GPR39: variants seen among roughly 807,000 people sequenced by gnomAD.
GPR39 encodes zinc sensing receptor.
In GPR39, 23 loss-of-function variants were observed where a neutral mutation model predicts 18.4. The observed-to-expected ratio is 1.25, with a 90% CI of 0.90 to 1.77. The LOEUF is 1.77. Ranked by LOEUF, GPR39 falls within the 40% of genes most tolerant of loss-of-function variation. The pLI is 0.00. For missense variants in GPR39, 647 were observed against 602.4 expected, an observed-to-expected ratio of 1.07 and a Z score of -0.78; for synonymous variants, 280 against 257.9, an observed-to-expected ratio of 1.09 and a Z score of -0.82.
rs1243090703 is a variant in GPR39 at position 132,559,222 on chromosome 2, G to A, written c.857-85879G>A. On this transcript the variant is annotated intron_variant, in intron 1 of 1. Transcript: ENST00000329321. ...CTGACCGAGGTTGGGATCCAGGATCGGAACTTTATGTGGCATGTAAAATAA... is the reference window on the plus strand; with the variant it reads ...CTGACCGAGGTTGGGATCCAGGATCAGAACTTTATGTGGCATGTAAAATAA... Among the ~76,000 whole-genome samples, 6 of 152,164 alleles carry A rather than the reference G, an allele frequency of 3.9e-5. No individual in the cohort carries two copies. The East Asian group carries it at 9.6e-4, about 24-fold the overall frequency.
At chr2:132,628,696 C>T (rs556253688) in intron 1 of GPR39, among the ~76,000 whole-genome samples, 22 of 152,256 alleles carry the variant, frequency 1.4e-4, no homozygotes, top group African/African-American at 5.3e-4. Context: ...TCTAAGTACC[C>T]TTACCCTAAT....
intron 1 of GPR39, among the ~76,000 whole-genome samples, chr2:132,564,277 G>T (rs929762972): frequency 1.3e-5 from 2 of 152,146 alleles, no homozygotes; most frequent in Non-Finnish European, 2.9e-5. Context: ...CACCAGCCAA[G>T]CATCCCTGAT....
intron 1 of GPR39, among the ~76,000 whole-genome samples, chr2:132,564,514 C>G (rs893780459): frequency 6.6e-6 from 1 of 152,182 alleles, no homozygotes; most frequent in African/African-American, 2.4e-5. Flanking sequence ...TGGCGCACTG[C>G]CCCGAGTAGG....
At chr2:132,498,189 C>T (rs1024890530) in intron 1 of GPR39, among the ~76,000 whole-genome samples, 3 of 152,108 alleles carry the variant, frequency 2.0e-5, no homozygotes, top group African/African-American at 7.2e-5. Context: ...GCACTCATCA[C>T]CCAACCAGTG....
In GPR39 at chr2:132,646,058, G is replaced by A. The variant is rs1180689577; in HGVS notation, c.*452G>A. On this transcript the variant is annotated 3_prime_UTR_variant, in exon 2 of 2. Transcript: ENST00000329321. ...TCTCCTTCAGCTTCAGCAGTGTGCC[G>A]AGAAGAGGGCTAATTTGAGGAACAG... 1.9e-6 allele frequency: 3 copies of A among 1,576,576 alleles called. No individual in the cohort carries two copies. Among genetic ancestry groups the A allele is most frequent in the Non-Finnish European group, 1.7e-6 (2 of 1,159,532 alleles).
intron 1 of GPR39, among the ~76,000 whole-genome samples, chr2:132,507,267 G>T (rs1307229542): frequency 6.6e-6 from 1 of 152,130 alleles, no homozygotes; most frequent in Non-Finnish European, 1.5e-5. Flanking sequence ...AGTGCTCAGT[G>T]AAATATAAAA....
At chr2:132,444,074 CAAAA>C (rs1267810855) in intron 1 of GPR39, among the ~76,000 whole-genome samples, 1 of 151,820 alleles carries the variant, frequency 6.6e-6, no homozygotes, top group East Asian at 1.9e-4. Context: ...GACCCTCTCT[CAAAA>C]AAATGGTCAT....
At chr2:132,618,965 C>T (rs1486838071) in intron 1 of GPR39, among the ~76,000 whole-genome samples, 1 of 152,176 alleles carries the variant, frequency 6.6e-6, no homozygotes, top group African/African-American at 2.4e-5. Flanking sequence ...GGGAACTGCC[C>T]ACAGACTTCC....
chr2:132,562,652 G>A (rs950144002), intron 1 of GPR39, among the ~76,000 whole-genome samples: 6 of 152,092 alleles, frequency 3.9e-5, no homozygotes, highest in Non-Finnish European at 8.8e-5. Context: ...CTAGCACCCA[G>A]TGCTGTCACC....
intron 1 of GPR39, among the ~76,000 whole-genome samples, chr2:132,477,569 A>T (rs1681153153): frequency 6.6e-6 from 1 of 151,788 alleles, no homozygotes; most frequent in African/African-American, 2.4e-5. Flanking sequence ...TTGTCTAAAA[A>T]AAAAGAGCCA....
At chr2:132,524,856 C>G (rs898207103) in intron 1 of GPR39, among the ~76,000 whole-genome samples, 1 of 152,164 alleles carries the variant, frequency 6.6e-6, no homozygotes, top group African/African-American at 2.4e-5. Flanking sequence ...TTATTATTTT[C>G]TAGTGAAGTT....
At chr2:132,623,436 A>AATGGAGG (rs1385531462) in intron 1 of GPR39, among the ~76,000 whole-genome samples, 1 of 152,154 alleles carries the variant, frequency 6.6e-6, no homozygotes, top group African/African-American at 2.4e-5. Context: ...GTAAGAAAAG[A>AATGGAGG]ATGGAGGGAG....
intron 1 of GPR39, among the ~76,000 whole-genome samples, chr2:132,608,430 C>T (rs80163337): frequency 2.6e-5 from 4 of 152,284 alleles, no homozygotes; most frequent in Non-Finnish European, 5.9e-5. Context: ...GTGTCAGCTC[C>T]TTGCTGTCGG....
chr2:132,533,114 A>T (rs941642263), intron 1 of GPR39, among the ~76,000 whole-genome samples: 1 of 152,144 alleles, frequency 6.6e-6, no homozygotes, highest in East Asian at 1.9e-4. Context: ...CTCAGCCCAA[A>T]ATCTCCTTAA....
intron 1 of GPR39, among the ~76,000 whole-genome samples, chr2:132,460,712 GTC>G (rs1489919195): frequency 2.0e-5 from 3 of 151,994 alleles, no homozygotes; most frequent in African/African-American, 4.8e-5. Flanking sequence ...CAATTTCTCT[GTC>G]TCTGTCTTTT....
intron 1 of GPR39, among the ~76,000 whole-genome samples, chr2:132,569,034 TATC>T (rs2104812448): frequency 6.6e-6 from 1 of 152,214 alleles, no homozygotes; most frequent in East Asian, 1.9e-4. Flanking sequence ...GCCTTGGTTT[TATC>T]ATCTTTACAA....
Position 132,439,189 on chromosome 2 carries a change from G to A in GPR39, c.856+21291G>A, listed in dbSNP as rs140366703. 1.4e-4 allele frequency among the ~76,000 whole-genome samples: 21 copies of A among 152,298 alleles called. No individual in the cohort carries two copies. The East Asian group carries it at 2.9e-3, about 21-fold the overall frequency. On this transcript the variant is annotated intron_variant, in intron 1 of 1. Transcript: ENST00000329321. ...TTGATTTAAAGCAGCAGTTAAACTC[G>A]GAAAATCACAATGGTGTCAAGCCCA...
chr2:132,620,942 C>CG (rs1292646533), intron 1 of GPR39, among the ~76,000 whole-genome samples: 1 of 152,004 alleles, frequency 6.6e-6, no homozygotes, highest in Non-Finnish European at 1.5e-5. Flanking sequence ...TTAGTAAAGA[C>CG]GGGGTTTCAT....
At chr2:132,641,685 ACAG>A (rs1342777467) in intron 1 of GPR39, among the ~76,000 whole-genome samples, 1 of 152,212 alleles carries the variant, frequency 6.6e-6, no homozygotes, top group African/African-American at 2.4e-5. Context: ...ATCGGATTAA[ACAG>A]CAGTATTAAA....
Sources: gnomAD v4.1 joint callset for allele counts (sites outside exome capture counted in the v4.1 genomes callset) on GRCh38, gnomAD v4.1.1 for gene constraint, MANE v1.5 for transcripts, NCBI Gene and HGNC (gene_info 2026-07-23, HGNC 2026-07-21) for gene names.